TMEM167A: variants seen among roughly 807,000 people sequenced by gnomAD.
The protein encoded by TMEM167A is transmembrane protein 167A.
In TMEM167A, 8 loss-of-function variants were observed where a neutral mutation model predicts 11.6. The observed-to-expected ratio is 0.69, with a 90% confidence interval of 0.40 to 1.24. The LOEUF (loss-of-function observed/expected upper bound fraction) is 1.24, where lower values mean the gene tolerates loss of function less well. TMEM167A is among the 50% of genes most tolerant of loss of function. TMEM167A has a pLI of 0.01. For synonymous variants in TMEM167A, 22 were observed against 28.0 expected (o/e 0.79, Z 0.67); for missense variants, 62 against 87.0 (o/e 0.71, Z 1.14).
chr5:83,074,344 A>G (rs1744607000), intron 1 of TMEM167A, among the ~76,000 whole-genome samples: 1 of 152,208 alleles, frequency 6.6e-6, no homozygotes, highest in Non-Finnish European at 1.5e-5. Context: ...CAGGTGAGAG[A>G]GAATTACTTC....
rs1744316176 is a variant in TMEM167A at position 83,055,527 on chromosome 5, T to C, written c.*1557A>G. 6.6e-6 allele frequency: 1 copy of C among 151,854 alleles called. No homozygotes were observed. The highest frequency in any genetic ancestry group is 1.5e-5 in the Non-Finnish European group (1 of 67,900). The allele number at this position is 151,854 out of a possible 1,614,324, so 9.4% of individuals were successfully genotyped here. On this transcript the variant is annotated 3_prime_UTR_variant, in exon 4 of 4. Coordinates refer to ENST00000502346, the MANE Select transcript of TMEM167A (RefSeq NM_174909.5). The stretch of plus-strand genomic sequence containing the variant: ...CTGATTCCCTATCTAAAGCAAAATA[T>C]ACCACTTTTAACTGCCATAGACATG...
In TMEM167A at chr5:83,065,010, A is replaced by C; in HGVS notation, c.111T>G (p.Thr37=). ...LAPSLLDRNK[T]GLLGIFWKCA... ...ATTAGACATCATTAGTAACATACCC[A>C]GTTTTATTTCTGTCCAGGAGGCTGG... Residue 37 remains threonine (T), a splice_region_variant and synonymous_variant, in exon 2 of 4, where the codon ACT becomes ACG. Transcript: ENST00000502346. 2 of 1,584,142 alleles carry C rather than the reference A, an allele frequency of 1.3e-6. No homozygotes were observed. The highest frequency in any genetic ancestry group is 1.7e-6 in the Non-Finnish European group (2 of 1,158,948).
At chr5:83,075,528 C>T (rs1258110852) in intron 1 of TMEM167A, among the ~76,000 whole-genome samples, 1 of 151,992 alleles carries the variant, frequency 6.6e-6, no homozygotes, top group Admixed American at 6.6e-5. Context: ...GGGAGGATCA[C>T]GAGGTCAAGA....
rs78570011 is a variant in TMEM167A, at chr5:83,074,079, G to A, written c.3+3242C>T. On this transcript the variant is annotated intron_variant, in intron 1 of 3. Transcript: ENST00000502346. The stretch of plus-strand genomic sequence containing the variant: ...CTGCTCCAAAGCCTTTATCAAGTAA[G>A]CAATTAAACATCATCAAAATATAAA... Among the ~76,000 whole-genome samples the A allele has an allele frequency of 4.0e-3, 604 of 152,268 alleles. 6 individuals are homozygous for A. Among genetic ancestry groups the A allele is most frequent in the African/African-American group, 0.014 (562 of 41,546 alleles).
In TMEM167A at chr5:83,060,909, ATG is replaced by A. The variant is rs761494798; in HGVS notation, c.148+966_148+967del. On this transcript the variant is annotated intron_variant, in intron 3 of 3. Coordinates refer to ENST00000502346, the MANE Select transcript of TMEM167A (RefSeq NM_174909.5). ...TCACTTAATCATTTGAGAGTCTACT[ATG>A]TGCTGGGTACCGTGTTAAATGTTAC... Among the ~76,000 whole-genome samples the A allele has an allele frequency of 3.3e-5, 5 of 152,224 alleles. No homozygotes were observed. The South Asian group carries it at 1.0e-3, about 32-fold the overall frequency.
Position 83,061,889 on chromosome 5 carries a change from A to C in TMEM167A, c.136T>G (p.Cys46Gly). 1.9e-6 allele frequency: 3 copies of C among 1,613,364 alleles called. No homozygotes were observed. The highest frequency in any genetic ancestry group is 2.5e-6 in the Non-Finnish European group (3 of 1,179,314). The change falls in exon 3 of 4, where the codon TGT (cysteine) becomes GGT (glycine). Residue 46 changes from cysteine (C) to glycine (G), a missense_variant. Cys to Gly is a radical substitution (Grantham distance 159). Transcript: ENST00000502346. The stretch of plus-strand genomic sequence containing the variant: ...TATAGACACTTACCAATTCTGGCAC[A>C]CTTCCAAAATATACCCAACAATCTG... ...KTGLLGIFWK[C>G]ARIGERKSPY...
In TMEM167A at chr5:83,055,632, A is replaced by G. The variant is rs986580476; in HGVS notation, c.*1452T>C. On this transcript the variant is annotated 3_prime_UTR_variant, in exon 4 of 4. Coordinates refer to ENST00000502346, the MANE Select transcript of TMEM167A (RefSeq NM_174909.5). ...TAACAAAATACAGAAAATCAAACCA[A>G]AACCAAAAAACACCCCCAAACAAAA... 4.6e-5 allele frequency: 7 copies of G among 151,972 alleles called. No individual in the cohort carries two copies. The highest frequency in any genetic ancestry group is 1.0e-4 in the Non-Finnish European group (7 of 67,958). 9.4% of individuals were successfully genotyped at this position (151,972 alleles called of 1,614,324 possible).
intron 3 of TMEM167A, among the ~76,000 whole-genome samples, chr5:83,060,845 A>T (rs554445000): frequency 1.3e-5 from 2 of 152,196 alleles, no homozygotes; most frequent in Non-Finnish European, 2.9e-5. Context: ...AAAAAAAAAA[A>T]TACTGATGAA....
At chr5:83,065,253 TA>T in intron 1 of TMEM167A, 136 bp from the exon 2 acceptor site, 1 of 602,106 alleles carries the variant, frequency 1.7e-6, no homozygotes, top group East Asian at 2.8e-5. Flanking sequence ...TGGCAACACT[TA>T]AAACCAGAAT....
At position 83,056,441 on chromosome 5, in the gene TMEM167A, T is replaced by G. The variant is rs1350489894; in HGVS notation, c.*643A>C. Reference sequence around the variant, plus strand: ...AGAGCCTACTATGTCATTTGGCTAGTCTAAATCCACTAATGTTAACTATCA... The same window carrying G: ...AGAGCCTACTATGTCATTTGGCTAGGCTAAATCCACTAATGTTAACTATCA... On this transcript the variant is annotated 3_prime_UTR_variant, in exon 4 of 4. Transcript: ENST00000502346. The G allele has an allele frequency of 6.6e-6, 1 of 152,116 alleles. No homozygotes were observed. The highest frequency in any genetic ancestry group is 1.5e-5 in the Non-Finnish European group (1 of 68,024). The allele number at this position is 152,116 out of a possible 1,614,324, so 9.4% of individuals were successfully genotyped here. A position where few individuals can be genotyped will look rare whatever the true frequency, so the allele number is the denominator to read the frequency against.
chr5:83,061,876 C>G lies in TMEM167A; in HGVS notation c.148+1G>C. The stretch of plus-strand genomic sequence containing the variant: ...AATGGAGGGAGATTATAGACACTTA[C>G]CAATTCTGGCACACTTCCAAAATAT... On this transcript the variant is annotated splice_donor_variant, in intron 3 of 3. Coordinates refer to ENST00000502346, the MANE Select transcript of TMEM167A (RefSeq NM_174909.5). LOFTEE classifies it high-confidence loss of function. The G allele has an allele frequency of 6.2e-7, 1 of 1,612,504 alleles. No homozygotes were observed.
At position 83,057,044 on chromosome 5, in the gene TMEM167A, A is replaced by G. The variant is rs373288876; in HGVS notation, c.*40T>C. On this transcript the variant is annotated 3_prime_UTR_variant, in exon 4 of 4. Transcript: ENST00000502346. ...TTTCTGCAGTCAGTCCTTGTTCACA[A>G]TCAAATCTGATGGCAACTACATTCT... 14 of 1,582,834 alleles carry G rather than the reference A, an allele frequency of 8.8e-6. No homozygotes were observed. The African/African-American group carries it at 1.2e-4, about 14-fold the overall frequency.
intron 1 of TMEM167A, among the ~76,000 whole-genome samples, chr5:83,075,668 C>T (rs935129326): frequency 9.2e-5 from 14 of 151,950 alleles, no homozygotes; most frequent in African/African-American, 3.4e-4. Flanking sequence ...TTGCTTGAAC[C>T]CAGGAAGCAG....
chr5:83,064,563 A>G (rs1457893903), intron 2 of TMEM167A, among the ~76,000 whole-genome samples: 1 of 152,122 alleles, frequency 6.6e-6, no homozygotes, highest in Non-Finnish European at 1.5e-5. Context: ...AGATACAATG[A>G]AACTGTCTAC....
chr5:83,065,242 C>G (rs1374081633), intron 1 of TMEM167A, 125 bp from the exon 2 acceptor site: 1 of 622,730 alleles, frequency 1.6e-6, no homozygotes, highest in East Asian at 2.8e-5. Context: ...AATGACAAGT[C>G]TGGCAACACT....
At chr5:83,058,099 T>A (rs1489320067) in intron 3 of TMEM167A, among the ~76,000 whole-genome samples, 1 of 152,126 alleles carries the variant, frequency 6.6e-6, no homozygotes, top group Admixed American at 6.6e-5. Context: ...TGCTTTTCCA[T>A]GATGTTTAAA....
intron 1 of TMEM167A, among the ~76,000 whole-genome samples, chr5:83,075,471 G>A (rs1240400087): frequency 6.6e-6 from 1 of 152,124 alleles, no homozygotes; most frequent in Non-Finnish European, 1.5e-5. Context: ...TCTTGGCTGG[G>A]GACGGTGGCT....
chr5:83,060,724 G>A (rs570877810), intron 3 of TMEM167A, among the ~76,000 whole-genome samples: 6 of 151,892 alleles, frequency 4.0e-5, no homozygotes, highest in African/African-American at 1.4e-4. Flanking sequence ...CCAGCTACTC[G>A]GGAGACTGAG....
In TMEM167A at chr5:83,056,057, T is replaced by C. The variant is rs111494863; in HGVS notation, c.*1027A>G. The C allele has an allele frequency of 6.6e-6, 1 of 152,024 alleles. No individual in the cohort carries two copies. The highest frequency in any genetic ancestry group is 1.5e-5 in the Non-Finnish European group (1 of 67,932). The allele number at this position is 152,024 out of a possible 1,614,324, so 9.4% of individuals were successfully genotyped here. ...TCCTCTCGCCTAGACTAAAAATTGTTGAAGGTCTCCTTTCACTATCAAAGT... is the reference window on the plus strand; with the variant it reads ...TCCTCTCGCCTAGACTAAAAATTGTCGAAGGTCTCCTTTCACTATCAAAGT... On this transcript the variant is annotated 3_prime_UTR_variant, in exon 4 of 4. Coordinates refer to ENST00000502346, the MANE Select transcript of TMEM167A (RefSeq NM_174909.5).
Sources: gnomAD v4.1 joint callset for allele counts (sites outside exome capture counted in the v4.1 genomes callset) on GRCh38, gnomAD v4.1.1 for gene constraint, MANE v1.5 for transcripts, NCBI Gene and HGNC (gene_info 2026-07-23, HGNC 2026-07-21) for gene names.